DACH1: variants seen among roughly 807,000 people sequenced by gnomAD.
DACH1 encodes the protein dachshund homolog 1.
Under a neutral mutation model 54.2 loss-of-function variants are expected in DACH1, and 12 were observed. That is an observed-to-expected ratio of 0.22 (90% CI 0.14 to 0.36). The LOEUF is 0.36. Ranked by LOEUF, DACH1 falls within the 10% of genes least tolerant of loss-of-function variation. The pLI is 1.00. For missense variants in DACH1, 805 were observed against 929.8 expected (o/e 0.87, Z 1.75); for synonymous variants, 386 against 366.2 (o/e 1.05, Z -0.62).
rs1244967484 is a variant in DACH1 at position 71,866,532 on chromosome 13, C to CGCCGCA, written c.237_238insTGCGGC (p.Gly79_Gly80insCysGly). ...CTGCCGCCGCCGCCTCCGCTGCCGC[C>CGCCGCA]GCCGCCGCCGCCGCCGCCGGTAGAG... is the stretch of plus-strand genomic sequence containing the variant. On this transcript the variant is annotated inframe_insertion, in exon 1 of 11. Transcript: ENST00000613252. The CGCCGCA allele has an allele frequency of 8.8e-7, 1 of 1,136,940 alleles. No individual in the cohort carries two copies. The highest frequency in any genetic ancestry group is 3.2e-5 in the East Asian group (1 of 31,236). The allele number at this position is 1,136,940 out of a possible 1,614,324, so 70.4% of individuals were successfully genotyped here. A position where few individuals can be genotyped will look rare whatever the true frequency, so the allele number is the denominator to read the frequency against.
chr13:71,705,492 C>A (rs909348709), intron 1 of DACH1, among the ~76,000 whole-genome samples: 26 of 152,124 alleles, frequency 1.7e-4, no homozygotes, highest in African/African-American at 6.0e-4. Flanking sequence ...GGTTTAACAT[C>A]ATTTAGAACT....
intron 1 of DACH1, among the ~76,000 whole-genome samples, chr13:71,826,504 A>G (rs977284232): frequency 5.3e-5 from 8 of 151,960 alleles, no homozygotes; most frequent in Admixed American, 4.6e-4. Flanking sequence ...TCCTAGGAAC[A>G]TCTATAACCT....
At chr13:71,454,486 G>T (rs1001168865) in intron 10 of DACH1, among the ~76,000 whole-genome samples, 2 of 152,164 alleles carry the variant, frequency 1.3e-5, no homozygotes, top group South Asian at 4.1e-4. Flanking sequence ...TCAAGATTAG[G>T]TTCTAAAAAG....
At chr13:71,707,445 G>A (rs181572022) in intron 1 of DACH1, among the ~76,000 whole-genome samples, 3 of 152,306 alleles carry the variant, frequency 2.0e-5, no homozygotes, top group Admixed American at 1.3e-4. Flanking sequence ...GCAGATGGTG[G>A]GCTTTGGGGA....
intron 2 of DACH1, among the ~76,000 whole-genome samples, chr13:71,674,633 G>A (rs1880432239): frequency 7.9e-6 from 1 of 126,040 alleles, no homozygotes; most frequent in Admixed American, 8.1e-5. Context: ...CATGATTTCA[G>A]CCCAGTGATG....
chr13:71,498,154 C>T (rs945402445), intron 6 of DACH1, among the ~76,000 whole-genome samples: 3 of 152,160 alleles, frequency 2.0e-5, no homozygotes, highest in Admixed American at 2.0e-4. Flanking sequence ...CATATGTATT[C>T]CACGCTTATT....
intron 1 of DACH1, among the ~76,000 whole-genome samples, chr13:71,828,222 C>T (rs1335110123): frequency 6.6e-6 from 1 of 151,900 alleles, no homozygotes; most frequent in Non-Finnish European, 1.5e-5. Flanking sequence ...GTTTTCTGTG[C>T]TAAACTCTTC....
At chr13:71,755,065 G>T (rs1246327966) in intron 1 of DACH1, among the ~76,000 whole-genome samples, 1 of 151,946 alleles carries the variant, frequency 6.6e-6, no homozygotes, top group African/African-American at 2.4e-5. Context: ...TCATGTTCAG[G>T]GTAGATTCTA....
At chr13:71,654,623 T>C (rs1416579890) in intron 2 of DACH1, among the ~76,000 whole-genome samples, 1 of 152,034 alleles carries the variant, frequency 6.6e-6, no homozygotes, top group African/African-American at 2.4e-5. Context: ...ACTGAAAAAC[T>C]GACCCACATG....
At chr13:71,653,803 T>G (rs1878851222) in intron 2 of DACH1, among the ~76,000 whole-genome samples, 1 of 152,172 alleles carries the variant, frequency 6.6e-6, no homozygotes, top group Non-Finnish European at 1.5e-5. Context: ...ATGCCAGAAC[T>G]GATTACAGTA....
chr13:71,704,898 A>G (rs2138760564), intron 1 of DACH1, among the ~76,000 whole-genome samples: 1 of 152,296 alleles, frequency 6.6e-6, no homozygotes, highest in South Asian at 2.1e-4. Context: ...ACTATTTATG[A>G]AATATTTGTA....
chr13:71,605,813 C>G (rs1453302798), intron 3 of DACH1, among the ~76,000 whole-genome samples: 2 of 151,856 alleles, frequency 1.3e-5, no homozygotes, highest in African/African-American at 2.4e-5. Context: ...GAAGTGAAGA[C>G]AGTCTCCCAG....
intron 1 of DACH1, among the ~76,000 whole-genome samples, chr13:71,803,806 A>G (rs2138131757): frequency 6.6e-6 from 1 of 152,304 alleles, no homozygotes; most frequent in East Asian, 1.9e-4. Flanking sequence ...TAATCTAGCA[A>G]TGAAAACGGG....
At chr13:71,586,213 T>C (rs969713521) in intron 3 of DACH1, among the ~76,000 whole-genome samples, 1 of 152,156 alleles carries the variant, frequency 6.6e-6, no homozygotes, top group African/African-American at 2.4e-5. Context: ...GGAGTTCTTA[T>C]TAGAAAAGCA....
chr13:71,735,189 G>T (rs892170061), intron 1 of DACH1, among the ~76,000 whole-genome samples: 1 of 36,252 alleles, frequency 2.8e-5, no homozygotes, highest in African/African-American at 6.5e-5. Flanking sequence ...TGGGATATAC[G>T]TATGTATATG....
chr13:71,634,705 C>T (rs1012405877), intron 2 of DACH1, among the ~76,000 whole-genome samples: 3 of 152,116 alleles, frequency 2.0e-5, no homozygotes, highest in African/African-American at 7.2e-5. Context: ...CCAATCTACC[C>T]CACTTGCTTG....
intron 1 of DACH1, among the ~76,000 whole-genome samples, chr13:71,805,318 A>C (rs553278616): frequency 6.6e-6 from 1 of 152,144 alleles, no homozygotes. Flanking sequence ...AGACGCAAAC[A>C]CTCAACTACA....
At chr13:71,589,178 T>A (rs1187921228) in intron 3 of DACH1, among the ~76,000 whole-genome samples, 1 of 152,002 alleles carries the variant, frequency 6.6e-6, no homozygotes, top group East Asian at 1.9e-4. Flanking sequence ...AAAATGGTAC[T>A]TAGAAGGTTT....
At chr13:71,598,720 T>C (rs1429995482) in intron 3 of DACH1, among the ~76,000 whole-genome samples, 1 of 152,214 alleles carries the variant, frequency 6.6e-6, no homozygotes, top group Non-Finnish European at 1.5e-5. Flanking sequence ...CGAAAATTTA[T>C]ATTTGCAGCC....
Sources: gnomAD v4.1 joint callset for allele counts (sites outside exome capture counted in the v4.1 genomes callset) on GRCh38, gnomAD v4.1.1 for gene constraint, MANE v1.5 for transcripts, NCBI Gene and HGNC (gene_info 2026-07-23, HGNC 2026-07-21) for gene names.